HMCN1: variants seen among roughly 807,000 people sequenced by gnomAD.
HMCN1 encodes hemicentin-1.
HMCN1 carries 321 observed loss-of-function variants against 625.9 expected under a neutral mutation model. The observed-to-expected ratio is 0.51, with a 90% CI of 0.47 to 0.56. HMCN1 has a LOEUF of 0.56. Among genes scored for constraint, HMCN1 ranks in the 20% least tolerant of loss-of-function variants. The probability of loss-of-function intolerance (pLI) is 0.00; values close to 1 mark genes in which losing one functional copy is unlikely to be tolerated. For synonymous variants in HMCN1, 2,425 were observed against 2,417.6 expected (o/e 1.00, Z -0.09); for missense variants, 6,588 against 6,887.3 (o/e 0.96, Z 1.54).
At chr1:186,166,069 T>C in intron 98 of HMCN1, 115 bp from the exon 99 acceptor site, 1 of 1,094,688 alleles carries the variant, frequency 9.1e-7, no homozygotes, top group South Asian at 1.4e-5. Flanking sequence ...GCATTTTCTA[T>C]TATATTTGAT....
At chr1:186,048,947 C>G (rs1487635569) in intron 42 of HMCN1, 108 bp downstream of exon 42, 7 of 717,798 alleles carry the variant, frequency 9.8e-6, no homozygotes, top group Non-Finnish European at 1.8e-5. Flanking sequence ...GGTAGATGAA[C>G]AACAATTAGT....
At chr1:186,182,409 T>C in intron 105 of HMCN1, 122 bp downstream of exon 105, 1 of 1,150,074 alleles carries the variant, frequency 8.7e-7, no homozygotes. Context: ...TTCCCGTGGG[T>C]CAGAATTATG....
intron 55 of HMCN1, among the ~76,000 whole-genome samples, chr1:186,079,739 G>A (rs1225746579): frequency 6.6e-6 from 1 of 152,176 alleles, no homozygotes; most frequent in African/African-American, 2.4e-5. Context: ...ATGGTCAAGG[G>A]TAGATGTTCA....
At chr1:186,090,398 GA>G (rs1332238125) in intron 63 of HMCN1, among the ~76,000 whole-genome samples, 5 of 151,852 alleles carry the variant, frequency 3.3e-5, no homozygotes, top group Admixed American at 6.6e-5. Flanking sequence ...AAGAGCAAAA[GA>G]AAAACACAAA....
chr1:185,914,902 A>T (rs1388028100), intron 6 of HMCN1, among the ~76,000 whole-genome samples: 1 of 152,034 alleles, frequency 6.6e-6, no homozygotes, highest in Non-Finnish European at 1.5e-5. Flanking sequence ...GAACTATATA[A>T]ATATTTATGA....
chr1:185,871,314 GA>G (rs1489266519), intron 4 of HMCN1, among the ~76,000 whole-genome samples: 1 of 151,816 alleles, frequency 6.6e-6, no homozygotes, highest in Non-Finnish European at 1.5e-5. Flanking sequence ...GGGGTAAACA[GA>G]AAAGATTCAG....
At chr1:185,969,733 A>G (rs565018718) in intron 14 of HMCN1, among the ~76,000 whole-genome samples, 1 of 152,308 alleles carries the variant, frequency 6.6e-6, no homozygotes, top group East Asian at 1.9e-4. Flanking sequence ...AGCTGGCATT[A>G]AACATCCAGT....
intron 1 of HMCN1, among the ~76,000 whole-genome samples, chr1:185,736,005 T>A (rs1414875525): frequency 6.6e-6 from 1 of 152,224 alleles, no homozygotes; most frequent in East Asian, 1.9e-4. Context: ...TTTGAAATTC[T>A]CCCTTCACTA....
At chr1:185,927,240 A>G (rs1667324194) in intron 9 of HMCN1, among the ~76,000 whole-genome samples, 1 of 152,166 alleles carries the variant, frequency 6.6e-6, no homozygotes, top group South Asian at 2.1e-4. Flanking sequence ...CCAAACCCCT[A>G]CCTTGCTGAA....
Position 186,003,812 on chromosome 1 carries a change from C to G in HMCN1, c.4443C>G (p.Pro1481=), listed in dbSNP as rs1223664793. The G allele has an allele frequency of 6.2e-7, 1 of 1,613,140 alleles. No homozygotes were observed. The part of the protein sequence containing the change: ...VALECQVKGT[P]FPDIHWFKDG... ...TTGAATGCCAGGTCAAAGGCACTCCCTTTCCTGATATTCATTGGTTCAAAG... is the reference window on the plus strand; with the variant it reads ...TTGAATGCCAGGTCAAAGGCACTCCGTTTCCTGATATTCATTGGTTCAAAG... Residue 1481 remains proline (P), a synonymous_variant, in exon 29 of 107, where the codon CCC becomes CCG. Coordinates refer to ENST00000271588, the MANE Select transcript of HMCN1 (RefSeq NM_031935.3).
At position 186,090,075 on chromosome 1, in the gene HMCN1, C is replaced by T. The variant is rs145837309; in HGVS notation, c.9728-683C>T. ...AAAACATGTACAAAATTGGCTTTTG[C>T]GACCTGGTGTGAACTACCTTCTGCA... On this transcript the variant is annotated intron_variant, in intron 63 of 106. Coordinates refer to ENST00000271588, the MANE Select transcript of HMCN1 (RefSeq NM_031935.3). 3.7e-3 allele frequency among the ~76,000 whole-genome samples: 557 copies of T among 151,948 alleles called. 4 individuals are homozygous for T. The highest frequency in any genetic ancestry group is 6.5e-3 in the Non-Finnish European group (442 of 67,880).
chr1:186,033,397 T>C (rs180983725), intron 36 of HMCN1, among the ~76,000 whole-genome samples: 230 of 152,238 alleles, frequency 1.5e-3, no homozygotes, highest in African/African-American at 5.2e-3. Flanking sequence ...CTGAAGAACT[T>C]ATCCATGTAA....
intron 11 of HMCN1, among the ~76,000 whole-genome samples, chr1:185,944,064 A>C (rs1668214016): frequency 6.6e-6 from 1 of 152,210 alleles, no homozygotes; most frequent in South Asian, 2.1e-4. Flanking sequence ...GGCAGAGTAC[A>C]TATCTGAGCT....
At chr1:186,132,846 A>G (rs1662017747) in intron 86 of HMCN1, among the ~76,000 whole-genome samples, 1 of 150,248 alleles carries the variant, frequency 6.7e-6, no homozygotes, top group African/African-American at 2.5e-5. Flanking sequence ...TCCTGTGTCC[A>G]TGTTCTCATT....
intron 1 of HMCN1, among the ~76,000 whole-genome samples, chr1:185,746,605 C>CTT (rs59992589): frequency 0.042 from 5,537 of 132,320 alleles, 426 homozygotes; most frequent in African/African-American, 0.14. Flanking sequence ...TTTCCTTTTC[C>CTT]TTTTTTTTTT....
At chr1:185,803,204 G>GAAAAAAAAAAAAAAAAAAAAAAAAAAA (rs1557981375) in intron 1 of HMCN1, among the ~76,000 whole-genome samples, 4 of 23,712 alleles carry the variant, frequency 1.7e-4, no homozygotes, top group East Asian at 2.5e-3. Flanking sequence ...AAAAAAAAAA[G>GAAAAAAAAAAAAAAAAAAAAAAAAAAA]CAAAAAAAAA....
chr1:185,769,984 C>T (rs895732175), intron 1 of HMCN1, among the ~76,000 whole-genome samples: 6 of 152,264 alleles, frequency 3.9e-5, no homozygotes, highest in South Asian at 2.1e-4. Flanking sequence ...AGTAACATGA[C>T]CAGTCCAGAG....
chr1:185,860,092 A>G (rs1378268747), intron 2 of HMCN1, among the ~76,000 whole-genome samples: 1 of 152,176 alleles, frequency 6.6e-6, no homozygotes, highest in Non-Finnish European at 1.5e-5. Context: ...GAAAAAGAAT[A>G]AGCTTATTTT....
At chr1:185,738,863 C>T (rs557663094) in intron 1 of HMCN1, among the ~76,000 whole-genome samples, 2 of 152,254 alleles carry the variant, frequency 1.3e-5, no homozygotes, top group South Asian at 4.2e-4. Flanking sequence ...CATACAACTT[C>T]TTTTTTTCCT....
Sources: allele counts gnomAD v4.1 joint callset (sites outside exome capture counted in the v4.1 genomes callset), GRCh38; gene constraint gnomAD v4.1.1; transcripts MANE v1.5; gene names NCBI Gene and HGNC (gene_info 2026-07-23, HGNC 2026-07-21).